SLFN12: variants seen among roughly 807,000 people sequenced by gnomAD.
The protein encoded by SLFN12 is schlafen family member 12.
SLFN12 carries 25 observed loss-of-function variants against 29.1 expected under a neutral mutation model. The ratio of observed to expected loss-of-function variants is 0.86; its 90% CI spans 0.63 to 1.20. The LOEUF (loss-of-function observed/expected upper bound fraction) is 1.20, where lower values mean the gene tolerates loss of function less well. SLFN12 is among the 50% of genes most tolerant of loss of function. The probability of loss-of-function intolerance (pLI) is 0.00; values close to 1 mark genes in which losing one functional copy is unlikely to be tolerated. For synonymous variants in SLFN12, 257 were observed against 238.7 expected, an observed-to-expected ratio of 1.08 and a Z score of -0.71; for missense variants, 660 against 666.2, an observed-to-expected ratio of 0.99 and a Z score of 0.10.
At chr17:35,420,562 C>T (rs1911569058) in intron 2 of SLFN12, 181 bp from the exon 3 acceptor site, 1 of 458,508 alleles carries the variant, frequency 2.2e-6, no homozygotes, top group Admixed American at 4.0e-5. Flanking sequence ...ACTTTTGATG[C>T]CACTGACACA....
At chr17:35,418,609 A>G (rs1911450560) in intron 3 of SLFN12, among the ~76,000 whole-genome samples, 1 of 152,098 alleles carries the variant, frequency 6.6e-6, no homozygotes, top group Non-Finnish European at 1.5e-5. Flanking sequence ...GTTATTGGTA[A>G]GGCTTTGGGT....
At chr17:35,428,037 T>C (rs6505470) in intron 1 of SLFN12, among the ~76,000 whole-genome samples, 21,867 of 152,064 alleles carry the variant, frequency 0.14, 2,315 homozygotes, top group African/African-American at 0.28. Context: ...AGAAAGAGTC[T>C]GAATCTGTGG....
At chr17:35,420,059 ACTTT>A (rs1911533028) in intron 3 of SLFN12, among the ~76,000 whole-genome samples, 1 of 152,146 alleles carries the variant, frequency 6.6e-6, no homozygotes, top group Non-Finnish European at 1.5e-5. Context: ...GGTTGCTCTT[ACTTT>A]CAAGTAAACG....
chr17:35,425,847 T>C (rs1366688138), intron 1 of SLFN12, among the ~76,000 whole-genome samples: 11 of 140,658 alleles, frequency 7.8e-5, no homozygotes, highest in South Asian at 6.9e-4. Context: ...TCTTTTTTTT[T>C]TTTTTTTTTT....
At chr17:35,430,950 G>A (rs777554158) in intron 1 of SLFN12, among the ~76,000 whole-genome samples, 1 of 152,112 alleles carries the variant, frequency 6.6e-6, no homozygotes, top group Non-Finnish European at 1.5e-5. Flanking sequence ...GGCCTTTACA[G>A]TAGATGTTCT....
At chr17:35,418,907 G>T (rs8077631) in intron 3 of SLFN12, among the ~76,000 whole-genome samples, 12,516 of 152,086 alleles carry the variant, frequency 0.082, 1,615 homozygotes, top group African/African-American at 0.28. Flanking sequence ...TCACGCTGTT[G>T]CCTGGGCTGG....
Position 35,423,001 on chromosome 17 carries a change from TC to T in SLFN12, c.27del (p.Asn10IlefsTer7). The T allele has an allele frequency of 6.2e-7, 1 of 1,612,398 alleles. No homozygotes were observed. The highest frequency in any genetic ancestry group is 8.5e-7 in the Non-Finnish European group (1 of 1,179,254). MNISVDLE[T>X]NYAELVLDVG... ...ACATCTAGAACCAACTCGGCATAATTCGTTTCCAAATCAACACTGATGTTCA... is the reference window on the plus strand; with the variant it reads ...ACATCTAGAACCAACTCGGCATAATTGTTTCCAAATCAACACTGATGTTCA... On this transcript the variant is annotated frameshift_variant, in exon 2 of 4. Transcript: ENST00000304905. LOFTEE classifies it high-confidence loss of function.
rs200811407 is a variant in SLFN12, at chr17:35,411,707, G to A, written c.1368C>T (p.Tyr456=). The change falls in exon 4 of 4, where the codon TAC becomes TAT. Residue 456 remains tyrosine, a synonymous_variant. Transcript: ENST00000304905. The part of the protein sequence containing the change: ...LISQDSPPVL[Y]TFHMVQDEEF... ...CCTCATCCTGTACCATGTGGAAGGT[G>A]TATAGGACTGGAGGACTGTCCTGGG... The A allele has an allele frequency of 3.1e-6, 5 of 1,613,936 alleles. No individual in the cohort carries two copies. Among genetic ancestry groups the A allele is most frequent in the African/African-American group, 2.7e-5 (2 of 74,922 alleles).
At chr17:35,429,691 C>T (rs902679783) in intron 1 of SLFN12, among the ~76,000 whole-genome samples, 2 of 152,056 alleles carry the variant, frequency 1.3e-5, no homozygotes, top group Non-Finnish European at 2.9e-5. Flanking sequence ...GTAAGAGCTA[C>T]CTCCTGGGAA....
At chr17:35,423,544 A>G (rs752520208) in intron 1 of SLFN12, among the ~76,000 whole-genome samples, 2 of 152,118 alleles carry the variant, frequency 1.3e-5, no homozygotes, top group Non-Finnish European at 2.9e-5. Flanking sequence ...ATGACATCCA[A>G]CATGTCATGT....
chr17:35,420,862 C>A (rs1159360393), intron 2 of SLFN12: 2 of 152,270 alleles, frequency 1.3e-5, no homozygotes, highest in African/African-American at 2.4e-5. Flanking sequence ...ATTAGGGCTA[C>A]TACTTGGCTC....
intron 2 of SLFN12, among the ~76,000 whole-genome samples, chr17:35,421,622 C>T (rs995135686): frequency 3.4e-5 from 5 of 148,866 alleles, no homozygotes; most frequent in Non-Finnish European, 5.9e-5. Flanking sequence ...CCACTGCAAC[C>T]TCCGCCACCT....
rs748751459 is a variant in SLFN12 at position 35,421,980 on chromosome 17, C to T, written c.1039+10G>A. Reference sequence around the variant, plus strand: ...AAATGCATTCCTGTTGCGAATCCCCCGCTCTCAACTTGGTTCAGCCTCCAC... The same window carrying T: ...AAATGCATTCCTGTTGCGAATCCCCTGCTCTCAACTTGGTTCAGCCTCCAC... On this transcript the variant is annotated intron_variant, in intron 2 of 3. Transcript: ENST00000304905. 1.1e-5 allele frequency: 17 copies of T among 1,608,934 alleles called. No individual in the cohort carries two copies. The highest frequency in any genetic ancestry group is 2.7e-5 in the African/African-American group (2 of 74,924).
intron 3 of SLFN12, among the ~76,000 whole-genome samples, chr17:35,418,872 G>A (rs1447932554): frequency 2.0e-5 from 3 of 151,980 alleles, no homozygotes; most frequent in Non-Finnish European, 2.9e-5. Flanking sequence ...TTGTTTGTTT[G>A]TTTGTTACTT....
chr17:35,411,457 T>C lies in SLFN12; in HGVS notation c.1618A>G (p.Arg540Gly), dbSNP rs1007165394. 6.2e-7 allele frequency: 1 copy of C among 1,613,650 alleles called. No individual in the cohort carries two copies. The highest frequency in any genetic ancestry group is 8.5e-7 in the Non-Finnish European group (1 of 1,179,886). ...LLKALFKALK[R>G]LKSLRDQFSF... ...AACTGGTCTCTCAGAGACTTGAGTC[T>C]CTTTAAGGCTTTAAAAAGGGCTTTC... is the stretch of plus-strand genomic sequence containing the variant. Residue 540 changes from arginine (R) to glycine (G), a missense_variant, in exon 4 of 4, where the codon AGA becomes GGA. Arg to Gly is a moderately radical substitution (Grantham distance 125, BLOSUM62 -2). Transcript: ENST00000304905.
At chr17:35,412,790 T>C (rs1320140269) in intron 3 of SLFN12, among the ~76,000 whole-genome samples, 1 of 151,980 alleles carries the variant, frequency 6.6e-6, no homozygotes, top group African/African-American at 2.4e-5. Context: ...GTGCTTCAGA[T>C]ATTGTAGTTA....
chr17:35,427,855 T>C (rs1008024838), intron 1 of SLFN12, among the ~76,000 whole-genome samples: 5 of 152,140 alleles, frequency 3.3e-5, no homozygotes, highest in African/African-American at 7.2e-5. Context: ...CTAATTTTCA[T>C]TGAGTCTAAG....
Position 35,410,925 on chromosome 17 carries a change from A to C in SLFN12, c.*413T>G, listed in dbSNP as rs1910963136. 6.5e-6 allele frequency: 1 copy of C among 153,154 alleles called. No homozygotes were observed. The highest frequency in any genetic ancestry group is 1.5e-5 in the Non-Finnish European group (1 of 68,800). 9.5% of individuals were successfully genotyped at this position (153,154 alleles called of 1,614,324 possible). A position where few individuals can be genotyped will look rare whatever the true frequency, so the allele number is the denominator to read the frequency against. On this transcript the variant is annotated 3_prime_UTR_variant, in exon 4 of 4. Transcript: ENST00000304905. ...CCTGGAGTTTTGTTTTGAGAAAATG[A>C]GTTTTGCCTTCTTATTCATTCCCAC...
chr17:35,424,870 T>A (rs572287323), intron 1 of SLFN12, among the ~76,000 whole-genome samples: 1 of 152,264 alleles, frequency 6.6e-6, no homozygotes, highest in South Asian at 2.1e-4. Flanking sequence ...ATATTGATCA[T>A]GTACAATGTG....
Sources: gnomAD v4.1 joint callset for allele counts (sites outside exome capture counted in the v4.1 genomes callset) on GRCh38, gnomAD v4.1.1 for gene constraint, MANE v1.5 for transcripts, NCBI Gene and HGNC (gene_info 2026-07-23, HGNC 2026-07-21) for gene names.